NUP54: variants seen among roughly 807,000 people sequenced by gnomAD.
The protein encoded by NUP54 is nucleoporin 54.
In NUP54, 27 loss-of-function variants were observed where a neutral mutation model predicts 66.4. The ratio of observed to expected loss-of-function variants is 0.41; its 90% confidence interval spans 0.30 to 0.56. NUP54 has a LOEUF of 0.56. Among genes scored for constraint, NUP54 ranks in the 20% least tolerant of loss-of-function variants. The pLI is 0.34. For missense variants in NUP54, 486 were observed against 596.3 expected, an observed-to-expected ratio of 0.82 and a Z score of 1.93; for synonymous variants, 206 against 210.7, an observed-to-expected ratio of 0.98 and a Z score of 0.19.
At chr4:76,133,070 A>T (rs552833208) in intron 5 of NUP54, among the ~76,000 whole-genome samples, 22 of 150,190 alleles carry the variant, frequency 1.5e-4, no homozygotes, top group African/African-American at 4.6e-4. Flanking sequence ...ATATATTTTT[A>T]AATTTTTTTG....
At chr4:76,125,316 T>TCACTCA (rs1730424991) in intron 8 of NUP54, among the ~76,000 whole-genome samples, 1 of 125,284 alleles carries the variant, frequency 8.0e-6, no homozygotes, top group Non-Finnish European at 1.8e-5. Flanking sequence ...TGAGACTCCA[T>TCACTCA]CACACACACA....
At chr4:76,138,064 A>G (rs1731113230) in intron 3 of NUP54, among the ~76,000 whole-genome samples, 1 of 152,228 alleles carries the variant, frequency 6.6e-6, no homozygotes, top group African/African-American at 2.4e-5. Context: ...CTAAACATTG[A>G]AAGTACCACA....
In NUP54 at chr4:76,147,645, T is replaced by C. The variant is rs1392097087; in HGVS notation, c.67+663A>G. The C allele has an allele frequency of 1.1e-5, 14 of 1,281,282 alleles. No homozygotes were observed. In the East Asian group the frequency reaches 4.5e-4, roughly 41 times the overall value. 79.4% of individuals were successfully genotyped at this position (1,281,282 alleles called of 1,614,324 possible). A position where few individuals can be genotyped will look rare whatever the true frequency, so the allele number is the denominator to read the frequency against. On this transcript the variant is annotated intron_variant, in intron 1 of 11. Transcript: ENST00000264883. The stretch of plus-strand genomic sequence containing the variant: ...CAGTCTCAAGCCCACCAAATCCTGA[T>C]AGGCGTGTAGGCAAAGAAACAAAAT...
chr4:76,115,268 T>C lies in NUP54; in HGVS notation c.*98A>G. 1 of 1,106,298 alleles carries C rather than the reference T, an allele frequency of 9.0e-7. No individual in the cohort carries two copies. Among genetic ancestry groups the C allele is most frequent in the Admixed American group, 3.1e-5 (1 of 32,078 alleles). 68.5% of individuals were successfully genotyped at this position (1,106,298 alleles called of 1,614,324 possible). On this transcript the variant is annotated 3_prime_UTR_variant, in exon 12 of 12. Transcript: ENST00000264883. ...AAAAAACCAATCCAAGAAAGAATTGTTTTCTTTTTCCCTCCATGTGGTCGG... is the reference window on the plus strand; with the variant it reads ...AAAAAACCAATCCAAGAAAGAATTGCTTTCTTTTTCCCTCCATGTGGTCGG...
In NUP54 at chr4:76,132,364, G is replaced by A. The variant is rs191566222; in HGVS notation, c.907+159C>T. The A allele has an allele frequency of 1.9e-5, 9 of 469,662 alleles. No individual in the cohort carries two copies. The Admixed American group carries it at 2.0e-4, about 10-fold the overall frequency. 29.1% of individuals were successfully genotyped at this position (469,662 alleles called of 1,614,324 possible). A position where few individuals can be genotyped will look rare whatever the true frequency, so the allele number is the denominator to read the frequency against. On this transcript the variant is annotated intron_variant, in intron 6 of 11. Coordinates refer to ENST00000264883, the MANE Select transcript of NUP54 (RefSeq NM_017426.4). ...TTAGCTATATAATAAAAAACTAAAT[G>A]AATACAAATATTCAAAACTATTTCC...
intron 7 of NUP54, 127 bp downstream of exon 7, chr4:76,131,103 T>C: frequency 1.4e-6 from 1 of 697,666 alleles, no homozygotes; most frequent in South Asian, 1.8e-5. Flanking sequence ...AATCAATATT[T>C]TTTAAAGGCC....
intron 3 of NUP54, among the ~76,000 whole-genome samples, chr4:76,143,765 T>C (rs1731365954): frequency 6.6e-6 from 1 of 152,016 alleles, no homozygotes; most frequent in African/African-American, 2.4e-5. Flanking sequence ...GGGGAAGCAA[T>C]TGGTAGGGAA....
intron 1 of NUP54, among the ~76,000 whole-genome samples, chr4:76,146,421 T>C (rs966543742): frequency 6.6e-6 from 1 of 152,258 alleles, no homozygotes; most frequent in Non-Finnish European, 1.5e-5. Context: ...GACAGTGATA[T>C]GTGATTACTT....
At position 76,132,545 on chromosome 4, in the gene NUP54, C is replaced by T. The variant is rs761993083; in HGVS notation, c.885G>A (p.Gln295=). ...TACCAGCAGGAGGATTCTGTAAAAG[C>T]TGTTTGATCTGTGCAGGAGAAAGTT... ...RTELSPAQIK[Q]LLQNPPAGVD... Residue 295 remains glutamine (Q), a synonymous_variant, in exon 6 of 12, where the codon CAG becomes CAA. Coordinates refer to ENST00000264883, the MANE Select transcript of NUP54 (RefSeq NM_017426.4). 2 of 1,600,932 alleles carry T rather than the reference C, an allele frequency of 1.2e-6. No homozygotes were observed. Among genetic ancestry groups the T allele is most frequent in the Non-Finnish European group, 1.7e-6 (2 of 1,174,190 alleles).
At chr4:76,131,175 C>T (rs1730786490) in intron 7 of NUP54, 55 bp downstream of exon 7, 1 of 1,059,828 alleles carries the variant, frequency 9.4e-7, no homozygotes, top group East Asian at 2.5e-5. Context: ...CCCATGTTTG[C>T]TTTCCTAGTA....
In NUP54 at chr4:76,117,661, T is replaced by C. The variant is rs898652993; in HGVS notation, c.1395+3A>G. On this transcript the variant is annotated splice_donor_region_variant and intron_variant, in intron 11 of 11. Coordinates refer to ENST00000264883, the MANE Select transcript of NUP54 (RefSeq NM_017426.4). ...AAATAATGCAGCCTCATGCAACACTTACCTGCTTGATTTCTCGTAACAGAT... is the reference window on the plus strand; with the variant it reads ...AAATAATGCAGCCTCATGCAACACTCACCTGCTTGATTTCTCGTAACAGAT... 2.5e-6 allele frequency: 4 copies of C among 1,587,464 alleles called. No homozygotes were observed. Among genetic ancestry groups the C allele is most frequent in the East Asian group, 2.2e-5 (1 of 44,748 alleles).
At chr4:76,139,269 A>C (rs567833116) in intron 3 of NUP54, among the ~76,000 whole-genome samples, 1 of 152,212 alleles carries the variant, frequency 6.6e-6, no homozygotes, top group African/African-American at 2.4e-5. Flanking sequence ...CGCTGTCACC[A>C]TCTGAACCTA....
intron 1 of NUP54, among the ~76,000 whole-genome samples, chr4:76,144,829 G>T (rs572889575): frequency 6.6e-6 from 1 of 152,168 alleles, no homozygotes; most frequent in African/African-American, 2.4e-5. Context: ...CATATGCCTA[G>T]AAGATTTAGA....
chr4:76,147,500 CA>C (rs763857259), intron 1 of NUP54: 38 of 1,289,506 alleles, frequency 2.9e-5, no homozygotes, highest in Non-Finnish European at 3.3e-5. Flanking sequence ...AGACTGTTAC[CA>C]AAATTGAACG....
chr4:76,142,880 G>A (rs1731321122), intron 3 of NUP54, among the ~76,000 whole-genome samples: 1 of 152,122 alleles, frequency 6.6e-6, no homozygotes, highest in Non-Finnish European at 1.5e-5. Flanking sequence ...GTCATCTTTG[G>A]AGAATGCTAG....
Position 76,148,341 on chromosome 4 carries a change from A to AG in NUP54, c.33dup (p.Ser12LeufsTer35). The AG allele has an allele frequency of 6.5e-7, 1 of 1,546,430 alleles. No individual in the cohort carries two copies. The highest frequency in any genetic ancestry group is 8.7e-7 in the Non-Finnish European group (1 of 1,146,368). ...GCCGCGGTGGCTGCAGCGGTACCGG[A>AG]GGTGCCCGAGGGAGCCCCAAAATTG... is the stretch of plus-strand genomic sequence containing the variant. On this transcript the variant is annotated frameshift_variant, in exon 1 of 12. Transcript: ENST00000264883. LOFTEE classifies it high-confidence loss of function.
intron 8 of NUP54, among the ~76,000 whole-genome samples, chr4:76,127,573 T>TCC (rs1730599893): frequency 2.0e-5 from 3 of 152,122 alleles, no homozygotes; most frequent in Non-Finnish European, 1.5e-5. Context: ...AAATTTTTTT[T>TCC]AATGTAGGAT....
chr4:76,134,371 T>C lies in NUP54; in HGVS notation c.523-9A>G, dbSNP rs753779900. On this transcript the variant is annotated splice_polypyrimidine_tract_variant and intron_variant, in intron 4 of 11. Transcript: ENST00000264883. ...CAACTATAACCTACTGCCTGTGGAA[T>C]GACAAAATAAACAATATAAAAAATA... 6.2e-5 allele frequency: 99 copies of C among 1,602,968 alleles called. No homozygotes were observed. The highest frequency in any genetic ancestry group is 8.3e-5 in the Non-Finnish European group (98 of 1,173,800).
At chr4:76,138,270 T>G (rs1731123079) in intron 3 of NUP54, among the ~76,000 whole-genome samples, 1 of 152,220 alleles carries the variant, frequency 6.6e-6, no homozygotes, top group African/African-American at 2.4e-5. Flanking sequence ...AACTTTTACA[T>G]GAGATGAATC....
Sources: gnomAD v4.1 joint callset for allele counts (sites outside exome capture counted in the v4.1 genomes callset) on GRCh38, gnomAD v4.1.1 for gene constraint, MANE v1.5 for transcripts, NCBI Gene and HGNC (gene_info 2026-07-23, HGNC 2026-07-21) for gene names.